The following ADAMTS19 variants were observed in gnomAD, a reference collection of about 807,000 sequenced individuals.
ADAMTS19 encodes the protein A disintegrin and metalloproteinase with thrombospondin motifs 19.
In ADAMTS19, 93 loss-of-function variants were observed where a neutral mutation model predicts 153.3. The observed-to-expected ratio is 0.61, with a 90% CI of 0.51 to 0.72. The LOEUF (loss-of-function observed/expected upper bound fraction) is 0.72. Ranked by LOEUF, ADAMTS19 falls within the 30% of genes least tolerant of loss-of-function variation. ADAMTS19 has a pLI of 0.00. For missense variants in ADAMTS19, 1,482 were observed against 1,552.1 expected (o/e 0.95, Z 0.76); for synonymous variants, 600 against 556.6 (o/e 1.08, Z -1.10).
intron 7 of ADAMTS19, among the ~76,000 whole-genome samples, chr5:129,589,501 C>T (rs1054423068): frequency 7.9e-5 from 12 of 152,038 alleles, no homozygotes; most frequent in African/African-American, 2.9e-4. Context: ...TGTGTATTTA[C>T]TTGAACAACT....
chr5:129,699,422 C>CAAAA (rs536240544), intron 19 of ADAMTS19, among the ~76,000 whole-genome samples: 2 of 80,562 alleles, frequency 2.5e-5, no homozygotes, highest in Non-Finnish European at 5.7e-5. Flanking sequence ...GACTTCATCT[C>CAAAA]AAAAAAAAAA....
intron 11 of ADAMTS19, 50 bp downstream of exon 11, chr5:129,642,010 G>A: frequency 8.5e-7 from 1 of 1,181,914 alleles, no homozygotes; most frequent in Non-Finnish European, 1.2e-6. Flanking sequence ...GATGAAACTT[G>A]AGAATCTTGC....
chr5:129,573,869 T>G (rs1333528266), intron 7 of ADAMTS19, among the ~76,000 whole-genome samples: 1 of 152,096 alleles, frequency 6.6e-6, no homozygotes, highest in Admixed American at 6.6e-5. Context: ...ATATGAATAT[T>G]AAAATATGTT....
intron 21 of ADAMTS19, among the ~76,000 whole-genome samples, chr5:129,716,541 A>G (rs1202466239): frequency 7.2e-6 from 1 of 138,846 alleles, no homozygotes; most frequent in Non-Finnish European, 1.6e-5. Flanking sequence ...TCCTGATCTT[A>G]TTTTCTCAAG....
intron 8 of ADAMTS19, among the ~76,000 whole-genome samples, chr5:129,600,858 G>GTTATTATTATTA (rs67558720): frequency 1.7e-4 from 26 of 150,546 alleles, no homozygotes; most frequent in African/African-American, 6.4e-4. Flanking sequence ...AGTAGTAGGA[G>GTTATTATTATTA]TTATTATTAT....
intron 7 of ADAMTS19, among the ~76,000 whole-genome samples, chr5:129,564,239 G>C (rs1038629862): frequency 1.3e-5 from 2 of 152,016 alleles, no homozygotes; most frequent in Admixed American, 1.3e-4. Flanking sequence ...TATTGACTTT[G>C]GCCTTGTGAG....
rs1023129386 is a variant in ADAMTS19 at position 129,738,162 on chromosome 5, A to T, written c.*944A>T. 6.6e-6 allele frequency: 1 copy of T among 152,390 alleles called. No homozygotes were observed. 9.4% of individuals were successfully genotyped at this position (152,390 alleles called of 1,614,324 possible). ...TTCCCTAGGAACAAGGAAAAACAGA[A>T]AGCATATAATACGGTGGTCGTTTCA... On this transcript the variant is annotated 3_prime_UTR_variant, in exon 23 of 23. Coordinates refer to ENST00000274487, the MANE Select transcript of ADAMTS19 (RefSeq NM_133638.6).
chr5:129,663,683 A>G (rs1273085588), intron 15 of ADAMTS19, among the ~76,000 whole-genome samples: 2 of 152,196 alleles, frequency 1.3e-5, no homozygotes, highest in Non-Finnish European at 2.9e-5. Flanking sequence ...TGACACTGTT[A>G]CCCACAACTA....
intron 2 of ADAMTS19, among the ~76,000 whole-genome samples, chr5:129,464,224 C>T (rs1580973678): frequency 1.3e-5 from 2 of 152,326 alleles, no homozygotes; most frequent in African/African-American, 4.8e-5. Flanking sequence ...GATCAAACTT[C>T]AAAAGCCTTG....
chr5:129,685,977 C>G (rs981795093), intron 18 of ADAMTS19, among the ~76,000 whole-genome samples: 1 of 152,142 alleles, frequency 6.6e-6, no homozygotes, highest in Non-Finnish European at 1.5e-5. Flanking sequence ...TAAAGGCTAT[C>G]TGGCTGAGAG....
chr5:129,662,171 G>A (rs543074450), intron 15 of ADAMTS19, among the ~76,000 whole-genome samples: 16 of 152,272 alleles, frequency 1.1e-4, no homozygotes, highest in African/African-American at 2.6e-4. Flanking sequence ...AAAATATGGC[G>A]TTTGTTACTT....
intron 7 of ADAMTS19, among the ~76,000 whole-genome samples, chr5:129,561,344 A>G (rs1442980047): frequency 1.3e-5 from 2 of 152,138 alleles, no homozygotes; most frequent in Non-Finnish European, 2.9e-5. Context: ...CCTGGCTAAC[A>G]AGGTGAAACC....
chr5:129,537,415 C>G (rs535517045), intron 6 of ADAMTS19, among the ~76,000 whole-genome samples: 13 of 152,284 alleles, frequency 8.5e-5, no homozygotes, highest in Non-Finnish European at 1.8e-4. Flanking sequence ...ACCCAGCCAT[C>G]CCATTACTGG....
At chr5:129,509,292 G>T (rs1258345075) in intron 3 of ADAMTS19, 50 bp downstream of exon 3, 2 of 1,511,158 alleles carry the variant, frequency 1.3e-6, no homozygotes, top group South Asian at 2.6e-5. Flanking sequence ...AATGTGAGAT[G>T]ACTACTTTAA....
Position 129,461,633 on chromosome 5 carries a change from G to C in ADAMTS19, c.623G>C (p.Gly208Ala). The change falls in exon 2 of 23, where the codon GGC becomes GCC. Residue 208 changes from glycine (G) to alanine (A), a missense_variant. Transcript: ENST00000274487. This position sits in a 1 kb window ranked among gnomAD's most constrained non-coding sequence, Gnocchi z 4.6. ...AVEQRPNPGP[G>A]PTGAASAPQP... ...GAACAGCGGCCAAATCCCGGCCCCG[G>C]CCCCACGGGGGCAGCATCCGCCCCG... 6.3e-7 allele frequency: 1 copy of C among 1,594,228 alleles called. No individual in the cohort carries two copies. Among genetic ancestry groups the C allele is most frequent in the Non-Finnish European group, 8.5e-7 (1 of 1,176,566 alleles).
chr5:129,477,746 G>A (rs953589178), intron 2 of ADAMTS19, among the ~76,000 whole-genome samples: 1 of 152,148 alleles, frequency 6.6e-6, no homozygotes, highest in Admixed American at 6.5e-5. Flanking sequence ...CAATTTTTGG[G>A]TCCTTGGTCA....
At chr5:129,510,667 A>G (rs1364614831) in intron 3 of ADAMTS19, among the ~76,000 whole-genome samples, 2 of 151,916 alleles carry the variant, frequency 1.3e-5, no homozygotes, top group Non-Finnish European at 2.9e-5. Context: ...GAAAATCTGC[A>G]CTGTGTAACT....
At chr5:129,483,123 A>T (rs530147856) in intron 2 of ADAMTS19, among the ~76,000 whole-genome samples, 2 of 152,276 alleles carry the variant, frequency 1.3e-5, no homozygotes, top group South Asian at 2.1e-4. Context: ...AGATCATTTC[A>T]TGATATTTGT....
intron 3 of ADAMTS19, among the ~76,000 whole-genome samples, chr5:129,520,129 C>A (rs1334590935): frequency 1.3e-5 from 2 of 152,116 alleles, no homozygotes; most frequent in Admixed American, 1.3e-4. Context: ...TTATAGAGAT[C>A]TTTCATTTCT....
Sources: gnomAD v4.1 joint callset for allele counts (sites outside exome capture counted in the v4.1 genomes callset) on GRCh38, gnomAD v4.1.1 for gene constraint, Gnocchi (gnomAD v3.1) non-coding constraint, MANE v1.5 for transcripts, NCBI Gene and HGNC (gene_info 2026-07-23, HGNC 2026-07-21) for gene names.